Variants in GPR137B observed in about 807,000 individuals in gnomAD.
The protein encoded by GPR137B is integral membrane protein GPR137B.
GPR137B carries 42 observed loss-of-function variants against 42.5 expected under a neutral mutation model. The ratio of observed to expected loss-of-function variants is 0.99; its 90% CI spans 0.77 to 1.28. GPR137B has a LOEUF of 1.28. Among genes scored for constraint, GPR137B ranks in the 50% most tolerant of loss-of-function variants. The pLI, the probability that GPR137B is intolerant of heterozygous loss-of-function variation, is 0.00. For synonymous variants in GPR137B, 218 were observed against 209.7 expected, an observed-to-expected ratio of 1.04 and a Z score of -0.34; for missense variants, 487 against 493.9, an observed-to-expected ratio of 0.99 and a Z score of 0.13.
chr1:236,163,943 TCTCCTCCCAC>T (rs1164164904), intron 1 of GPR137B, among the ~76,000 whole-genome samples: 6 of 147,802 alleles, frequency 4.1e-5, no homozygotes, highest in African/African-American at 1.5e-4. Flanking sequence ...TCTCCTCCCA[TCTCCTCCCAC>T]CTCCCACACC....
intron 2 of GPR137B, among the ~76,000 whole-genome samples, chr1:236,172,984 G>T (rs1211979854): frequency 6.6e-6 from 1 of 150,832 alleles, no homozygotes; most frequent in Non-Finnish European, 1.5e-5. Flanking sequence ...ACGCCACCAT[G>T]CCTGGCATGC....
chr1:236,201,429 ATTTGACAT>A (rs1362147252), intron 5 of GPR137B, among the ~76,000 whole-genome samples: 1 of 151,936 alleles, frequency 6.6e-6, no homozygotes, highest in Non-Finnish European at 1.5e-5. Context: ...ATGTTTGGCC[ATTTGACAT>A]AATCACAAAT....
intron 1 of GPR137B, among the ~76,000 whole-genome samples, chr1:236,157,532 C>G (rs895571194): frequency 6.6e-6 from 1 of 152,116 alleles, no homozygotes; most frequent in Non-Finnish European, 1.5e-5. Flanking sequence ...CGATTCCACA[C>G]ACTTAGCCAT....
intron 5 of GPR137B, among the ~76,000 whole-genome samples, chr1:236,188,613 G>C (rs921522207): frequency 6.6e-6 from 1 of 152,146 alleles, no homozygotes; most frequent in African/African-American, 2.4e-5. Flanking sequence ...TTATGTGATG[G>C]ATTACGTTTA....
At chr1:236,195,123 ACT>A (rs1663296215) in intron 5 of GPR137B, among the ~76,000 whole-genome samples, 1 of 151,002 alleles carries the variant, frequency 6.6e-6, no homozygotes, top group Non-Finnish European at 1.5e-5. Flanking sequence ...ATCCAATCAC[ACT>A]CTTTTAGTTA....
intron 5 of GPR137B, among the ~76,000 whole-genome samples, chr1:236,189,529 T>C (rs1274780440): frequency 1.3e-5 from 2 of 152,202 alleles, no homozygotes; most frequent in East Asian, 1.9e-4. Context: ...CTTTTTCTCA[T>C]TGGTTTCAAA....
intron 2 of GPR137B, among the ~76,000 whole-genome samples, chr1:236,175,871 T>G (rs1035385073): frequency 6.6e-6 from 1 of 152,174 alleles, no homozygotes; most frequent in Non-Finnish European, 1.5e-5. Context: ...GAAGGTTGCA[T>G]GCAAATTTCA....
intron 5 of GPR137B, among the ~76,000 whole-genome samples, chr1:236,200,423 G>A (rs1230382759): frequency 6.6e-6 from 1 of 151,946 alleles, no homozygotes; most frequent in Non-Finnish European, 1.5e-5. Context: ...CTGTCTTGAT[G>A]GCTTGTCTAG....
At chr1:236,202,532 C>G (rs904753435) in intron 5 of GPR137B, among the ~76,000 whole-genome samples, 1 of 152,058 alleles carries the variant, frequency 6.6e-6, no homozygotes, top group Non-Finnish European at 1.5e-5. Context: ...CATGGTGTGA[C>G]TCTCCACACA....
intron 5 of GPR137B, among the ~76,000 whole-genome samples, chr1:236,199,159 A>G (rs1309615692): frequency 3.3e-5 from 5 of 152,090 alleles, no homozygotes. Flanking sequence ...AGATAATCAT[A>G]TGATTTTTGT....
At position 236,178,584 on chromosome 1, in the gene GPR137B, G is replaced by T. The variant is rs770617342; in HGVS notation, c.635G>T (p.Cys212Phe). 1.9e-6 allele frequency: 3 copies of T among 1,612,764 alleles called. No individual in the cohort carries two copies. The African/African-American group carries it at 4.0e-5, about 22-fold the overall frequency. Residue 212 changes from cysteine to phenylalanine, a missense_variant, in exon 3 of 7, where the codon TGT becomes TTT. Coordinates refer to ENST00000366592, the MANE Select transcript of GPR137B (RefSeq NM_003272.4). ...CTGTGTGCCGTCTCTCTCTCCATCT[G>T]TCTCTACAAAATCTCTAAGATGTCC... ...FVLCAVSLSI[C>F]LYKISKMSLA...
intron 1 of GPR137B, among the ~76,000 whole-genome samples, chr1:236,154,551 G>T (rs921832391): frequency 6.6e-6 from 1 of 150,994 alleles, no homozygotes; most frequent in East Asian, 2.0e-4. Context: ...AGCTTCCCCC[G>T]TTACCCACAT....
chr1:236,198,842 T>C (rs1663416021), intron 5 of GPR137B, among the ~76,000 whole-genome samples: 1 of 152,170 alleles, frequency 6.6e-6, no homozygotes, highest in South Asian at 2.1e-4. Context: ...ATTATGTCAT[T>C]GGTGAACAGT....
At chr1:236,207,938 TTA>T in intron 6 of GPR137B, 110 bp from the exon 7 acceptor site, 1 of 721,716 alleles carries the variant, frequency 1.4e-6, no homozygotes, top group Non-Finnish European at 2.3e-6. Flanking sequence ...TAAAAGAACT[TTA>T]GAGTTATCTA....
Position 236,142,542 on chromosome 1 carries a change from T to C in GPR137B, c.-81T>C. ...GCCGGGGGAGGAAGTGCGGCTTGTT[T>C]TCTTTCCTCCAGTCTCGGGGCTGCA... On this transcript the variant is annotated 5_prime_UTR_variant, in exon 1 of 7. Coordinates refer to ENST00000366592, the MANE Select transcript of GPR137B (RefSeq NM_003272.4). 1.4e-6 allele frequency: 1 copy of C among 731,174 alleles called. No individual in the cohort carries two copies. Among genetic ancestry groups the C allele is most frequent in the East Asian group, 3.7e-5 (1 of 27,256 alleles). 45.3% of individuals were successfully genotyped at this position (731,174 alleles called of 1,614,324 possible). A position where few individuals can be genotyped will look rare whatever the true frequency, so the allele number is the denominator to read the frequency against.
At chr1:236,181,922 C>G (rs1662891221) in intron 4 of GPR137B, among the ~76,000 whole-genome samples, 1 of 83,922 alleles carries the variant, frequency 1.2e-5, no homozygotes, top group South Asian at 4.0e-4. Flanking sequence ...GAGACGGAGT[C>G]TCTCTCTGTC....
At chr1:236,147,285 G>A (rs79811757) in intron 1 of GPR137B, among the ~76,000 whole-genome samples, 3 of 152,188 alleles carry the variant, frequency 2.0e-5, no homozygotes, top group South Asian at 2.1e-4. Flanking sequence ...GACTGCCAGC[G>A]TGTCGGCCTC....
At chr1:236,173,119 C>G (rs1662592389) in intron 2 of GPR137B, among the ~76,000 whole-genome samples, 1 of 151,206 alleles carries the variant, frequency 6.6e-6, no homozygotes, top group Non-Finnish European at 1.5e-5. Context: ...AGAGCAAGAT[C>G]CCATCTCTAC....
intron 4 of GPR137B, 100 bp from the exon 5 acceptor site, chr1:236,183,678 C>A (rs1662944426): frequency 1.3e-6 from 1 of 767,322 alleles, no homozygotes; most frequent in Non-Finnish European, 2.2e-6. Flanking sequence ...ATGAATTGTA[C>A]TAGAGTATTA....
Sources: allele counts gnomAD v4.1 joint callset (sites outside exome capture counted in the v4.1 genomes callset), GRCh38; gene constraint gnomAD v4.1.1; transcripts MANE v1.5; gene names NCBI Gene and HGNC (gene_info 2026-07-23, HGNC 2026-07-21).